The following UGT1A6 variants were observed in gnomAD, a reference collection of about 807,000 sequenced individuals.
UGT1A6 encodes UDP glucuronosyltransferase family 1 member A6, also known as UDP-glucuronosyltransferase 1A6.
A neutral mutation model predicts 44.4 loss-of-function variants in UGT1A6; 32 were observed. The ratio of observed to expected loss-of-function variants is 0.72; its 90% CI spans 0.54 to 0.97. The LOEUF (loss-of-function observed/expected upper bound fraction) is 0.97. Ranked by LOEUF, UGT1A6 falls within the 50% of genes least tolerant of loss-of-function variation. The pLI is 0.00. For missense variants in UGT1A6, 685 were observed against 661.9 expected (o/e 1.03, Z -0.38); for synonymous variants, 238 against 248.5 (o/e 0.96, Z 0.40).
At chr2:233,697,139 T>G (rs2075377929) in intron 1 of UGT1A6, among the ~76,000 whole-genome samples, 1 of 152,116 alleles carries the variant, frequency 6.6e-6, no homozygotes. Flanking sequence ...TCTGTAATAG[T>G]TTGAGTGGAA....
At chr2:233,713,138 G>T (rs753871977) in intron 1 of UGT1A6, 31 of 1,614,080 alleles carry the variant, frequency 1.9e-5, no homozygotes, top group Non-Finnish European at 2.5e-5. Flanking sequence ...AGGCCTTGCG[G>T]GACCTCCATG....
chr2:233,760,317 A>T, intron 1 of UGT1A6: 5 of 1,614,016 alleles, frequency 3.1e-6, no homozygotes, highest in Non-Finnish European at 4.2e-6. Context: ...GCGGACGCCC[A>T]CTTGTCCTGG....
intron 1 of UGT1A6, chr2:233,760,329 C>A (rs765814343): frequency 8.7e-6 from 14 of 1,613,970 alleles, no homozygotes; most frequent in South Asian, 1.1e-5. Flanking sequence ...TTGTCCTGGG[C>A]CTGCTGCTGT....
chr2:233,767,208 G>A (rs1699334912), intron 2 of UGT1A6, 43 bp downstream of exon 2: 1 of 1,612,972 alleles, frequency 6.2e-7, no homozygotes, highest in Non-Finnish European at 8.5e-7. Context: ...ATTTTCACAG[G>A]AGCGCTAATC....
chr2:233,754,390 C>G, intron 1 of UGT1A6: 1 of 303,204 alleles, frequency 3.3e-6, no homozygotes, highest in Admixed American at 4.5e-5. Flanking sequence ...AACAGAGGTC[C>G]TATCCGTGCA....
chr2:233,760,703 C>T, intron 1 of UGT1A6: 1 of 1,614,236 alleles, frequency 6.2e-7, no homozygotes. Flanking sequence ...CTCATGGCCT[C>T]CCTGGCAGAA....
At chr2:233,757,535 A>AATATATATACATATATATACATATAT (rs376887521) in intron 1 of UGT1A6, among the ~76,000 whole-genome samples, 1 of 88,312 alleles carries the variant, frequency 1.1e-5, no homozygotes, top group Non-Finnish European at 2.2e-5. Context: ...GCCTGTAAGG[A>AATATATATACATATATATACATATAT]ATATATATAT....
At chr2:233,733,440 C>T (rs1200700751) in intron 1 of UGT1A6, among the ~76,000 whole-genome samples, 12 of 152,030 alleles carry the variant, frequency 7.9e-5, no homozygotes, top group African/African-American at 1.5e-4. Context: ...ATATTGGCTG[C>T]GGGTTTGTCA....
intron 1 of UGT1A6, among the ~76,000 whole-genome samples, chr2:233,707,029 C>G (rs962121616): frequency 6.6e-6 from 1 of 152,140 alleles, no homozygotes; most frequent in Non-Finnish European, 1.5e-5. Context: ...CAGCCAGCCC[C>G]CAAGGTAGAG....
intron 1 of UGT1A6, chr2:233,743,054 C>T (rs1031836290): frequency 1.9e-5 from 6 of 321,426 alleles, no homozygotes; most frequent in South Asian, 8.2e-5. Context: ...GTAGTCCCAA[C>T]GATAAGAACA....
chr2:233,769,637 G>A lies in UGT1A6; in HGVS notation c.1301+1198G>A. The A allele has an allele frequency of 6.2e-7, 1 of 1,610,100 alleles. No individual in the cohort carries two copies. Among genetic ancestry groups the A allele is most frequent in the Non-Finnish European group, 8.5e-7 (1 of 1,178,598 alleles). On this transcript the variant is annotated intron_variant, in intron 4 of 4. Transcript: ENST00000305139. This position sits in a 1 kb window ranked among gnomAD's most constrained non-coding sequence, Gnocchi z 4.4. ...GCTTGAGCAAGGGACAACAGGGGAG[G>A]ACTGATGACTGACTTCCCACCTTTG... is the stretch of plus-strand genomic sequence containing the variant.
chr2:233,722,391 C>T (rs1160586490), intron 1 of UGT1A6, among the ~76,000 whole-genome samples: 1 of 152,204 alleles, frequency 6.6e-6, no homozygotes, highest in African/African-American at 2.4e-5. Flanking sequence ...TCTTCTCCCT[C>T]TCTTTCTCCT....
intron 1 of UGT1A6, chr2:233,713,329 G>GA: frequency 6.2e-7 from 1 of 1,614,226 alleles, no homozygotes; most frequent in Non-Finnish European, 8.5e-7. Flanking sequence ...TTTTCTAGAA[G>GA]AATGGCAATT....
chr2:233,716,632 A>G (rs1442427845), intron 1 of UGT1A6, among the ~76,000 whole-genome samples: 1 of 152,158 alleles, frequency 6.6e-6, no homozygotes, highest in Non-Finnish European at 1.5e-5. Flanking sequence ...TGAAGTTTTT[A>G]TCGTTTGTAC....
chr2:233,746,319 GA>G (rs1693359020), intron 1 of UGT1A6, among the ~76,000 whole-genome samples: 9 of 151,794 alleles, frequency 5.9e-5, no homozygotes, highest in Non-Finnish European at 1.0e-4. Context: ...CCCTGTAGAT[GA>G]TCTACAGGGC....
intron 1 of UGT1A6, chr2:233,743,982 C>G (rs6735370): frequency 4.6e-6 from 6 of 1,297,000 alleles, no homozygotes; most frequent in East Asian, 9.6e-5. Flanking sequence ...AGCACCCAGG[C>G]GCAGGCCCGA....
chr2:233,740,535 G>A (rs566003594), intron 1 of UGT1A6, among the ~76,000 whole-genome samples: 2 of 151,952 alleles, frequency 1.3e-5, no homozygotes, highest in South Asian at 2.1e-4. Context: ...CAGCTGTGTT[G>A]AACTCCAGCC....
At chr2:233,733,659 C>T (rs1240175939) in intron 1 of UGT1A6, among the ~76,000 whole-genome samples, 3 of 152,202 alleles carry the variant, frequency 2.0e-5, no homozygotes, top group Non-Finnish European at 2.9e-5. Context: ...ATGAAGCCGA[C>T]TTGATCGATG....
At position 233,693,075 on chromosome 2, in the gene UGT1A6, T is replaced by A; in HGVS notation, c.71T>A (p.Val24Asp). 6.2e-7 allele frequency: 1 copy of A among 1,614,184 alleles called. No individual in the cohort carries two copies. The highest frequency in any genetic ancestry group is 1.1e-5 in the South Asian group (1 of 91,074). Residue 24 changes from valine to aspartate, a missense_variant, in exon 1 of 5, where the codon GTT (valine) becomes GAT (aspartate). Transcript: ENST00000305139. ...TTCTTCTTAGCACTTTGGGGCATGG[T>A]TGTAGGTGACAAGCTGCTGGTGGTC... ...GVFFLALWGM[V>D]VGDKLLVVPQ...
Sources: allele counts gnomAD v4.1 joint callset (sites outside exome capture counted in the v4.1 genomes callset), GRCh38; gene constraint gnomAD v4.1.1; non-coding constraint Gnocchi (gnomAD v3.1); transcripts MANE v1.5; gene names NCBI Gene and HGNC (gene_info 2026-07-23, HGNC 2026-07-21).